Variants in HTR3B observed in about 807,000 individuals in gnomAD.
HTR3B encodes 5-hydroxytryptamine receptor 3B, also known as 5-hydroxytryptamine (serotonin) receptor 3B, ionotropic.
In HTR3B, 44 loss-of-function variants were observed where a neutral mutation model predicts 42.8. That is an observed-to-expected ratio of 1.03 (90% confidence interval 0.81 to 1.32). HTR3B has a LOEUF of 1.32. HTR3B is among the 40% of genes most tolerant of loss of function. The pLI is 0.00. For missense variants in HTR3B, 527 were observed against 536.5 expected, an observed-to-expected ratio of 0.98 and a Z score of 0.17; for synonymous variants, 203 against 209.0, an observed-to-expected ratio of 0.97 and a Z score of 0.25.
chr11:113,901,335 G>A (rs1170891719), upstream of HTR3B, among the ~76,000 whole-genome samples: 1 of 151,986 alleles, frequency 6.6e-6, no homozygotes, highest in African/African-American at 2.4e-5. Context: ...CCCAGCTATG[G>A]GAGGCTGGGA....
chr11:113,915,813 A>T (rs544743675), intron 2 of HTR3B, among the ~76,000 whole-genome samples: 1 of 152,298 alleles, frequency 6.6e-6, no homozygotes, highest in Admixed American at 6.5e-5. Context: ...TCTCCACATA[A>T]TCACTACTCC....
upstream of HTR3B, among the ~76,000 whole-genome samples, chr11:113,903,979 C>T (rs541534948): frequency 1.7e-3 from 265 of 152,192 alleles, no homozygotes; most frequent in Non-Finnish European, 3.2e-3. Context: ...ATATACTTTC[C>T]CCCCTTCGGT....
At chr11:113,910,647 ACAGGTTGG>A (rs1949782349) in intron 2 of HTR3B, among the ~76,000 whole-genome samples, 1 of 151,050 alleles carries the variant, frequency 6.6e-6, no homozygotes, top group African/African-American at 2.4e-5. Flanking sequence ...CACCTGTTGG[ACAGGTTGG>A]TCTCAAACTC....
chr11:113,930,717 G>A (rs1233949620), intron 2 of HTR3B, among the ~76,000 whole-genome samples: 6 of 151,874 alleles, frequency 4.0e-5, no homozygotes, highest in Non-Finnish European at 8.8e-5. Context: ...CTCAAACTCC[G>A]GGGCTCAGGC....
rs1326967750 is a variant in HTR3B at position 113,904,940 on chromosome 11, T to C, written c.7T>C (p.Ser3Pro). ML[S>P]SVMAPLWACI... is the part of the protein sequence containing the mutation. ...TTTTGGGATCTGCCCAGGAATGTTG[T>C]CAAGTGTAATGGCTCCCCTGTGGGC... is the stretch of plus-strand genomic sequence containing the variant. Residue 3 changes from serine to proline, a missense_variant, in exon 1 of 9, where the codon TCA becomes CCA. Physicochemically the swap from Ser to Pro is moderately conservative, Grantham distance 74 (BLOSUM62 -1). Transcript: ENST00000260191. The C allele has an allele frequency of 6.2e-7, 1 of 1,613,698 alleles. No individual in the cohort carries two copies. The highest frequency in any genetic ancestry group is 1.1e-5 in the South Asian group (1 of 91,074).
intron 6 of HTR3B, among the ~76,000 whole-genome samples, chr11:113,935,379 C>T (rs946683262): frequency 6.1e-5 from 8 of 131,626 alleles, no homozygotes; most frequent in African/African-American, 7.7e-5. Context: ...CGGGGGTGGA[C>T]GTGGGTTATC....
chr11:113,940,917 G>C (rs1412908182), intron 6 of HTR3B, among the ~76,000 whole-genome samples: 1 of 152,238 alleles, frequency 6.6e-6, no homozygotes, highest in African/African-American at 2.4e-5. Context: ...GTCAGGTCAA[G>C]AGTTGTAGCT....
At chr11:113,903,610 G>C (rs570218978), upstream of HTR3B, among the ~76,000 whole-genome samples, 1 of 151,670 alleles carries the variant, frequency 6.6e-6, no homozygotes, top group Non-Finnish European at 1.5e-5. Flanking sequence ...TGTAGTTTCA[G>C]TAGAGATGGG....
chr11:113,939,918 ACTCTGTTG>A (rs1950120568), intron 6 of HTR3B, among the ~76,000 whole-genome samples: 2 of 138,106 alleles, frequency 1.4e-5, no homozygotes, highest in South Asian at 4.6e-4. Flanking sequence ...ACAGAGTCTC[ACTCTGTTG>A]CCCAGGCTGG....
rs1950194721 is a variant in HTR3B at position 113,948,381 on chromosome 11, A to G, written c.*2244A>G. 6.6e-6 allele frequency among the ~76,000 whole-genome samples: 1 copy of G among 152,222 alleles called. No individual in the cohort carries two copies. The highest frequency in any genetic ancestry group is 1.5e-5 in the Non-Finnish European group (1 of 68,038). On this transcript the variant is annotated 3_prime_UTR_variant, in exon 9 of 9. Coordinates refer to ENST00000260191, the MANE Select transcript of HTR3B (RefSeq NM_006028.5). ...TTCCCAACTATGTCTTAGAGAAAGC[A>G]CCAGTGTCAGAGTCAGGAGTCCTGA...
intron 2 of HTR3B, among the ~76,000 whole-genome samples, chr11:113,923,789 T>G (rs1949939534): frequency 6.6e-6 from 1 of 152,212 alleles, no homozygotes; most frequent in African/African-American, 2.4e-5. Flanking sequence ...CAGCTGGCAT[T>G]GAGAAACTTG....
chr11:113,919,093 A>C (rs1949886498), intron 2 of HTR3B, among the ~76,000 whole-genome samples: 1 of 152,128 alleles, frequency 6.6e-6, no homozygotes, highest in Non-Finnish European at 1.5e-5. Flanking sequence ...ATTTTTAATA[A>C]ATGTTAAAAA....
Position 113,948,837 on chromosome 11 carries a change from C to T in HTR3B, c.*2700C>T, listed in dbSNP as rs1950198962. Among the ~76,000 whole-genome samples, 1 of 146,562 alleles carries T rather than the reference C, an allele frequency of 6.8e-6. No homozygotes were observed. The highest frequency in any genetic ancestry group is 2.0e-4 in the East Asian group (1 of 4,932). ...GAGATCGTGCCATTGCACTCCAGCC[C>T]GGGCAACAAGAGCTAAACTCTATCT... On this transcript the variant is annotated 3_prime_UTR_variant, in exon 9 of 9. Transcript: ENST00000260191.
chr11:113,937,043 G>T (rs892387818), intron 6 of HTR3B, among the ~76,000 whole-genome samples: 3 of 152,226 alleles, frequency 2.0e-5, no homozygotes, highest in Admixed American at 2.0e-4. Flanking sequence ...CACCTGAAGG[G>T]TGTCTAATGG....
intron 6 of HTR3B, among the ~76,000 whole-genome samples, chr11:113,941,995 G>C (rs1326079994): frequency 6.6e-6 from 1 of 152,172 alleles, no homozygotes; most frequent in Non-Finnish European, 1.5e-5. Context: ...ATTTAATTGT[G>C]CAAGTTTTCC....
intron 4 of HTR3B, 39 bp downstream of exon 4, chr11:113,931,906 G>T: frequency 8.4e-7 from 1 of 1,184,898 alleles, no homozygotes; most frequent in Non-Finnish European, 1.3e-6. Context: ...GGTTTAGACT[G>T]CTTGGTATAG....
At chr11:113,945,031 C>T (rs1463231036) in intron 8 of HTR3B, among the ~76,000 whole-genome samples, 4 of 152,140 alleles carry the variant, frequency 2.6e-5, no homozygotes, top group African/African-American at 9.7e-5. Flanking sequence ...TCTCGAACTC[C>T]TAGGCTCAGG....
chr11:113,903,957 T>C (rs959323457), upstream of HTR3B, among the ~76,000 whole-genome samples: 3 of 152,174 alleles, frequency 2.0e-5, no homozygotes, highest in African/African-American at 4.8e-5. Context: ...ATTAGGAGAA[T>C]AGGAATCAAA....
the HTR3B span, among the ~76,000 whole-genome samples, chr11:113,899,718 G>C: frequency 6.6e-6 from 1 of 152,148 alleles, no homozygotes; most frequent in African/African-American, 2.4e-5. Context: ...TCCTTATTAT[G>C]TTTGCATAAT....
Sources: allele counts gnomAD v4.1 joint callset (sites outside exome capture counted in the v4.1 genomes callset), GRCh38; gene constraint gnomAD v4.1.1; transcripts MANE v1.5; gene names NCBI Gene and HGNC (gene_info 2026-07-23, HGNC 2026-07-21).